The following CRYL1 variants were observed in gnomAD, a reference collection of about 807,000 sequenced individuals.
CRYL1 encodes the protein crystallin lambda 1.
A neutral mutation model predicts 36.6 loss-of-function variants in CRYL1; 29 were observed. The observed-to-expected ratio is 0.79, with a 90% CI of 0.59 to 1.08. CRYL1 has a LOEUF of 1.08. CRYL1 is among the 50% of genes least tolerant of loss of function. CRYL1 has a pLI of 0.00. For missense variants in CRYL1, 411 were observed against 407.9 expected (o/e 1.01, Z -0.06); for synonymous variants, 152 against 151.5 (o/e 1.00, Z -0.02).
intron 2 of CRYL1, among the ~76,000 whole-genome samples, chr13:20,495,924 A>C (rs2033598072): frequency 6.6e-6 from 1 of 152,084 alleles, no homozygotes; most frequent in South Asian, 2.1e-4. Context: ...CAGCTTCCCA[A>C]ATAGCTGGGA....
chr13:20,409,203 A>G (rs2031455670), intron 6 of CRYL1, among the ~76,000 whole-genome samples: 1 of 150,552 alleles, frequency 6.6e-6, no homozygotes, highest in African/African-American at 2.4e-5. Context: ...CTGCATATCT[A>G]CAACTATCTG....
At chr13:20,470,255 C>T (rs753689414) in intron 3 of CRYL1, among the ~76,000 whole-genome samples, 3 of 152,170 alleles carry the variant, frequency 2.0e-5, no homozygotes, top group Non-Finnish European at 4.4e-5. Flanking sequence ...GGCCTGGCCC[C>T]GGGTGCAAGT....
rs34813385 is a variant in CRYL1 at position 20,422,360 on chromosome 13, C to CAA, written c.634-8975_634-8974dup. 2.5e-3 allele frequency among the ~76,000 whole-genome samples: 326 copies of CAA among 129,720 alleles called. 1 individual carries two copies. Among genetic ancestry groups the CAA allele is most frequent in the Middle Eastern group, 4.0e-3 (1 of 248 alleles). 85.1% of individuals were successfully genotyped at this position (129,720 alleles called of 152,430 possible). A position where few individuals can be genotyped will look rare whatever the true frequency, so the allele number is the denominator to read the frequency against. ...GGGCCACAGAGTGAAATTCCATTTC[C>CAA]AAAAAAAAAAAAAAAAGTCCTAATT... is the stretch of plus-strand genomic sequence containing the variant. On this transcript the variant is annotated intron_variant, in intron 5 of 7. Transcript: ENST00000298248.
At chr13:20,452,594 T>C (rs1221075487) in intron 3 of CRYL1, among the ~76,000 whole-genome samples, 1 of 152,214 alleles carries the variant, frequency 6.6e-6, no homozygotes, top group Non-Finnish European at 1.5e-5. Flanking sequence ...TTTTTAGGGC[T>C]GTGACAATAC....
intron 3 of CRYL1, among the ~76,000 whole-genome samples, chr13:20,483,797 TC>T (rs890138116): frequency 3.3e-5 from 5 of 151,920 alleles, no homozygotes; most frequent in Non-Finnish European, 5.9e-5. Flanking sequence ...CGCTGTGGCC[TC>T]CCCATGTTCT....
At chr13:20,459,987 T>C (rs74408479) in intron 3 of CRYL1, among the ~76,000 whole-genome samples, 2,556 of 152,360 alleles carry the variant, frequency 0.017, 31 homozygotes, top group Non-Finnish European at 0.03. Flanking sequence ...CTTAGATCTT[T>C]TTTTCCAGTT....
chr13:20,441,231 C>T (rs556751637), intron 3 of CRYL1, among the ~76,000 whole-genome samples: 26 of 152,316 alleles, frequency 1.7e-4, no homozygotes, highest in South Asian at 4.1e-4. Flanking sequence ...TTAGAATCAA[C>T]GGCGTGTCTT....
At chr13:20,470,922 AAAAAC>A (rs1429082269) in intron 3 of CRYL1, among the ~76,000 whole-genome samples, 1 of 150,304 alleles carries the variant, frequency 6.7e-6, no homozygotes, top group African/African-American at 2.5e-5. Flanking sequence ...AAAAAAAAAA[AAAAAC>A]AAAAAAAAAA....
At chr13:20,500,885 T>C (rs1336227414) in intron 2 of CRYL1, among the ~76,000 whole-genome samples, 1 of 152,196 alleles carries the variant, frequency 6.6e-6, no homozygotes, top group African/African-American at 2.4e-5. Context: ...TTTATCTGAG[T>C]TCTTTCCTCA....
At chr13:20,502,989 G>A (rs967783996) in intron 2 of CRYL1, among the ~76,000 whole-genome samples, 3 of 148,696 alleles carry the variant, frequency 2.0e-5, no homozygotes, top group South Asian at 2.1e-4. Flanking sequence ...GGATCATGCC[G>A]GAAGCACGCA....
intron 2 of CRYL1, among the ~76,000 whole-genome samples, chr13:20,499,642 A>C (rs1265225176): frequency 6.6e-6 from 1 of 152,088 alleles, no homozygotes; most frequent in Non-Finnish European, 1.5e-5. Context: ...ACAGAGCGAG[A>C]CTCTGACACA....
chr13:20,515,723 G>C (rs1210221123), intron 1 of CRYL1: 1 of 152,168 alleles, frequency 6.6e-6, no homozygotes, highest in Non-Finnish European at 1.5e-5. Flanking sequence ...CCACTTACCT[G>C]AGGTACCCAT....
chr13:20,431,129 T>C, intron 5 of CRYL1: 1 of 985,346 alleles, frequency 1.0e-6, no homozygotes, highest in Non-Finnish European at 1.2e-6. Flanking sequence ...GCCACATCTG[T>C]GATGCACACC....
chr13:20,418,969 T>C (rs1388075521), intron 5 of CRYL1: 3 of 152,110 alleles, frequency 2.0e-5, no homozygotes, highest in Non-Finnish European at 4.4e-5. Flanking sequence ...AGAAGTAGAG[T>C]ACTCTGCCAC....
rs1175545728 is a variant in CRYL1 at position 20,481,929 on chromosome 13, A to G, written c.276+7441T>C. On this transcript the variant is annotated intron_variant, in intron 3 of 7. Coordinates refer to ENST00000298248, the MANE Select transcript of CRYL1 (RefSeq NM_015974.3). This position sits in a 1 kb window ranked among gnomAD's most constrained non-coding sequence, Gnocchi z 4.1. ...TCCATCTCGAAAGGAAAAAGAAAAA[A>G]CACATACAACAGAAAAAGTGTAACT... Among the ~76,000 whole-genome samples the G allele has an allele frequency of 6.6e-6, 1 of 152,046 alleles. No homozygotes were observed. Among genetic ancestry groups the G allele is most frequent in the Non-Finnish European group, 1.5e-5 (1 of 68,004 alleles).
intron 3 of CRYL1, among the ~76,000 whole-genome samples, chr13:20,446,339 T>C (rs567979740): frequency 2.0e-5 from 3 of 152,330 alleles, no homozygotes; most frequent in Admixed American, 6.5e-5. Flanking sequence ...CTCAAACTCC[T>C]GACCTCAGGT....
chr13:20,498,151 C>G (rs1176089858), intron 2 of CRYL1, among the ~76,000 whole-genome samples: 1 of 150,294 alleles, frequency 6.7e-6, no homozygotes, highest in Admixed American at 6.6e-5. Flanking sequence ...CACACATACA[C>G]CACCATACAC....
chr13:20,427,725 A>G (rs2031963596), intron 5 of CRYL1, among the ~76,000 whole-genome samples: 1 of 106,908 alleles, frequency 9.4e-6, no homozygotes, highest in Non-Finnish European at 1.9e-5. Context: ...TCAATGAGAC[A>G]AAAAGTTGCT....
At chr13:20,439,543 ACACAG>A in intron 4 of CRYL1, 45 bp downstream of exon 4, 7 of 1,383,602 alleles carry the variant, frequency 5.1e-6, no homozygotes, top group East Asian at 2.4e-5. Context: ...AAAAAAAAAA[ACACAG>A]AATGAGATGA....
Sources: allele counts gnomAD v4.1 joint callset (sites outside exome capture counted in the v4.1 genomes callset), GRCh38; gene constraint gnomAD v4.1.1; non-coding constraint Gnocchi (gnomAD v3.1); transcripts MANE v1.5; gene names NCBI Gene and HGNC (gene_info 2026-07-23, HGNC 2026-07-21).